The following RGS6 variants were observed in gnomAD, a reference collection of about 807,000 sequenced individuals.
RGS6 encodes regulator of G protein signaling 6, also known as regulator of G-protein signaling 6.
A neutral mutation model predicts 78.5 loss-of-function variants in RGS6; 30 were observed. The observed-to-expected ratio is 0.38, with a 90% CI of 0.29 to 0.52. RGS6 has a LOEUF of 0.52. RGS6 is among the 20% of genes least tolerant of loss of function. RGS6 has a pLI of 0.85. For synonymous variants in RGS6, 206 were observed against 206.0 expected (o/e 1.00, Z 0.00); for missense variants, 495 against 609.7 (o/e 0.81, Z 1.98).
At chr14:71,933,526 C>T (rs2088281607) in intron 1 of RGS6, among the ~76,000 whole-genome samples, 1 of 152,078 alleles carries the variant, frequency 6.6e-6, no homozygotes, top group Non-Finnish European at 1.5e-5. Flanking sequence ...GTGAAGAGAC[C>T]GTGTTTACAG....
chr14:72,250,056 C>T (rs1321821125), intron 2 of RGS6, among the ~76,000 whole-genome samples: 1 of 121,808 alleles, frequency 8.2e-6, no homozygotes, highest in African/African-American at 3.3e-5. Context: ...CACATGGACA[C>T]AGGAAGGGGA....
At chr14:72,113,575 C>A (rs1043264973) in intron 2 of RGS6, among the ~76,000 whole-genome samples, 5 of 152,214 alleles carry the variant, frequency 3.3e-5, no homozygotes, top group African/African-American at 1.2e-4. Flanking sequence ...CAGTTTGCTA[C>A]TGCTATGTAA....
At chr14:72,516,437 G>T (rs1012884964) in intron 14 of RGS6, among the ~76,000 whole-genome samples, 1 of 152,166 alleles carries the variant, frequency 6.6e-6, no homozygotes, top group Non-Finnish European at 1.5e-5. Flanking sequence ...ACCCTCTCTG[G>T]ACTCTGGATA....
rs113442572 is a variant in RGS6 at position 72,030,351 on chromosome 14, A to G, written c.84+65476A>G. ...AAAGACATGGATGAAAAAACTTTTC[A>G]GGAGGCATATTTAAAAGATAAGGAA... On this transcript the variant is annotated intron_variant, in intron 2 of 17. Coordinates refer to ENST00000553525, the MANE Select transcript of RGS6 (RefSeq NM_001204424.2). 7.3e-3 allele frequency among the ~76,000 whole-genome samples: 1,113 copies of G among 152,316 alleles called. 17 individuals carry two copies. The highest frequency in any genetic ancestry group is 0.025 in the African/African-American group (1,053 of 41,574).
intron 1 of RGS6, among the ~76,000 whole-genome samples, chr14:71,964,222 C>T (rs117725299): frequency 0.046 from 6,988 of 152,198 alleles, 198 homozygotes; most frequent in South Asian, 0.07. Context: ...TTAAGACTGC[C>T]GTGGCTGGGT....
chr14:72,156,646 A>G (rs1440637710), intron 2 of RGS6, among the ~76,000 whole-genome samples: 2 of 152,172 alleles, frequency 1.3e-5, no homozygotes, highest in Non-Finnish European at 2.9e-5. Flanking sequence ...ATTGATGGCA[A>G]AGATTGGGCA....
At chr14:72,208,481 T>C (rs2043212768) in intron 2 of RGS6, among the ~76,000 whole-genome samples, 1 of 152,222 alleles carries the variant, frequency 6.6e-6, no homozygotes, top group Admixed American at 6.5e-5. Context: ...TTTCAAGAGA[T>C]ATATACCATG....
intron 17 of RGS6, among the ~76,000 whole-genome samples, chr14:72,553,957 G>A (rs1454873048): frequency 6.6e-6 from 1 of 152,208 alleles, no homozygotes; most frequent in African/African-American, 2.4e-5. Context: ...GGGAAATAAG[G>A]TTCTCTGTAG....
intron 2 of RGS6, among the ~76,000 whole-genome samples, chr14:72,168,071 C>T (rs2096953828): frequency 6.6e-6 from 1 of 152,202 alleles, no homozygotes; most frequent in South Asian, 2.1e-4. Context: ...ACCTAATACT[C>T]TATGGCTAAA....
chr14:72,293,510 T>C (rs559154300), intron 2 of RGS6, among the ~76,000 whole-genome samples: 1 of 151,844 alleles, frequency 6.6e-6, no homozygotes, highest in Non-Finnish European at 1.5e-5. Context: ...ACTTCCTCTC[T>C]CCTCCTTCCT....
At chr14:72,045,637 A>G (rs2092772489) in intron 2 of RGS6, among the ~76,000 whole-genome samples, 2 of 151,852 alleles carry the variant, frequency 1.3e-5, no homozygotes, top group Non-Finnish European at 2.9e-5. Context: ...ACTACATACC[A>G]GTTTCTTAGT....
chr14:72,543,497 A>C (rs568315783), intron 17 of RGS6, among the ~76,000 whole-genome samples: 12 of 152,156 alleles, frequency 7.9e-5, no homozygotes, highest in African/African-American at 2.9e-4. Flanking sequence ...ACATATGAAA[A>C]CCACAGTAGG....
At chr14:72,323,728 G>T (rs1255282037) in intron 2 of RGS6, among the ~76,000 whole-genome samples, 1 of 141,590 alleles carries the variant, frequency 7.1e-6, no homozygotes, top group Non-Finnish European at 1.5e-5. Context: ...CTTGAACCTG[G>T]GAGGCGGAGG....
intron 2 of RGS6, among the ~76,000 whole-genome samples, chr14:72,202,376 A>G (rs75052229): frequency 0.016 from 2,450 of 152,050 alleles, 22 homozygotes; most frequent in South Asian, 0.025. Context: ...CATTTCAGAG[A>G]AGTTTCTCCT....
chr14:71,939,368 GTGTTTGC>G (rs1398044846), intron 1 of RGS6, among the ~76,000 whole-genome samples: 1 of 152,206 alleles, frequency 6.6e-6, no homozygotes, highest in Non-Finnish European at 1.5e-5. Flanking sequence ...TAAGTCCAGT[GTGTTTGC>G]TACCTCTTGT....
chr14:72,533,013 AG>A (rs1281772675), intron 15 of RGS6, among the ~76,000 whole-genome samples: 1 of 151,980 alleles, frequency 6.6e-6, no homozygotes, highest in African/African-American at 2.4e-5. Flanking sequence ...GTGTAGATTA[AG>A]CAGCCTTATA....
intron 2 of RGS6, among the ~76,000 whole-genome samples, chr14:72,090,391 C>T (rs1597388359): frequency 6.6e-6 from 1 of 152,154 alleles, no homozygotes; most frequent in South Asian, 2.1e-4. Context: ...CCTGTCAGAT[C>T]AGCAGCAGCA....
At chr14:72,399,634 T>G (rs1463993717) in intron 3 of RGS6, among the ~76,000 whole-genome samples, 1 of 152,222 alleles carries the variant, frequency 6.6e-6, no homozygotes, top group African/African-American at 2.4e-5. Flanking sequence ...ATCAATGGTC[T>G]TTACAATTTG....
At chr14:72,244,200 G>T (rs1253589040) in intron 2 of RGS6, among the ~76,000 whole-genome samples, 2 of 151,844 alleles carry the variant, frequency 1.3e-5, no homozygotes, top group African/African-American at 2.4e-5. Context: ...AAAGTTATCA[G>T]TCAGACCTCT....
Sources: allele counts gnomAD v4.1 joint callset (sites outside exome capture counted in the v4.1 genomes callset), GRCh38; gene constraint gnomAD v4.1.1; transcripts MANE v1.5; gene names NCBI Gene and HGNC (gene_info 2026-07-23, HGNC 2026-07-21).